TLK2: variants seen among roughly 807,000 people sequenced by gnomAD.
TLK2 encodes the protein serine/threonine-protein kinase tousled-like 2.
Under a neutral mutation model 117.3 loss-of-function variants are expected in TLK2, and 6 were observed. The ratio of observed to expected loss-of-function variants is 0.05; its 90% CI spans 0.03 to 0.10. TLK2 has a LOEUF of 0.10. Among genes scored for constraint, TLK2 ranks in the 10% least tolerant of loss-of-function variants. TLK2 has a pLI of 1.00. For synonymous variants in TLK2, 257 were observed against 316.7 expected (o/e 0.81, Z 2.00); for missense variants, 299 against 901.2 (o/e 0.33, Z 8.56).
At chr17:62,526,839 A>G (rs1485366556) in intron 6 of TLK2, among the ~76,000 whole-genome samples, 1 of 152,186 alleles carries the variant, frequency 6.6e-6, no homozygotes, top group Non-Finnish European at 1.5e-5. Context: ...TAGCTTTCAA[A>G]GTAGTCTCCT....
intron 16 of TLK2, among the ~76,000 whole-genome samples, chr17:62,595,378 C>T (rs921027461): frequency 6.9e-6 from 1 of 145,904 alleles, no homozygotes; most frequent in Non-Finnish European, 1.5e-5. Context: ...ATAATGTATT[C>T]ATTTATTATC....
chr17:62,593,156 G>A (rs1567987627), intron 16 of TLK2, among the ~76,000 whole-genome samples: 2 of 152,142 alleles, frequency 1.3e-5, no homozygotes, highest in Admixed American at 1.3e-4. Flanking sequence ...GTTACTAATT[G>A]TGTATCTAAG....
At chr17:62,560,866 G>T (rs1215036429) in intron 10 of TLK2, among the ~76,000 whole-genome samples, 1 of 151,680 alleles carries the variant, frequency 6.6e-6, no homozygotes, top group East Asian at 1.9e-4. Context: ...TAGGGTATAT[G>T]TGCACAACAT....
At chr17:62,516,353 A>T in intron 2 of TLK2, 1 of 1,520,072 alleles carries the variant, frequency 6.6e-7, no homozygotes, top group Non-Finnish European at 9.0e-7. Flanking sequence ...CCACAACCAA[A>T]TCCGCCTCTA....
At chr17:62,553,471 A>G (rs746030832) in intron 8 of TLK2, 192 bp from the exon 9 acceptor site, 4 of 567,384 alleles carry the variant, frequency 7.0e-6, no homozygotes, top group Non-Finnish European at 9.6e-6. Context: ...GTAGTGGGAC[A>G]TAAGGAACCC....
intron 2 of TLK2, among the ~76,000 whole-genome samples, chr17:62,518,405 T>C (rs1039831108): frequency 2.0e-5 from 3 of 152,130 alleles, no homozygotes; most frequent in Admixed American, 6.6e-5. Flanking sequence ...GACAACTAAA[T>C]GGAAAGGAAC....
chr17:62,482,635 G>C (rs1031103509), intron 2 of TLK2, among the ~76,000 whole-genome samples: 1 of 151,850 alleles, frequency 6.6e-6, no homozygotes, highest in African/African-American at 2.4e-5. Context: ...ATTTTTAGTA[G>C]AGACAGGGTT....
intron 16 of TLK2, among the ~76,000 whole-genome samples, chr17:62,590,580 G>T (rs2082003371): frequency 1.3e-5 from 2 of 152,218 alleles, no homozygotes; most frequent in Non-Finnish European, 2.9e-5. Flanking sequence ...CTCCGTGTAG[G>T]AGATTATTTG....
At chr17:62,579,938 C>T (rs182407121) in intron 14 of TLK2, among the ~76,000 whole-genome samples, 173 bp from the exon 15 acceptor site, 82 of 152,280 alleles carry the variant, frequency 5.4e-4, no homozygotes, top group African/African-American at 2.0e-3. Context: ...ATTACACTGC[C>T]TCTTTGAACT....
chr17:62,522,382 A>G, intron 4 of TLK2, 109 bp downstream of exon 4: 1 of 1,217,138 alleles, frequency 8.2e-7, no homozygotes, highest in Non-Finnish European at 1.1e-6. Flanking sequence ...CTGATAAAGG[A>G]GGTTTGTGTA....
At chr17:62,539,739 T>G (rs546036608) in intron 7 of TLK2, among the ~76,000 whole-genome samples, 9 of 152,098 alleles carry the variant, frequency 5.9e-5, no homozygotes, top group Non-Finnish European at 1.5e-5. Flanking sequence ...TGACCTCAAG[T>G]GATCCTCCCG....
rs565906543 is a variant in TLK2, at chr17:62,484,545, G to T, written c.81+3339G>T. ...AATCCTGACCTCAGGTGATCCACCC[G>T]CCTCAGCCTCCCGAAGTGCTGGGAT... On this transcript the variant is annotated intron_variant, in intron 2 of 21. Transcript: ENST00000346027. Among the ~76,000 whole-genome samples the T allele has an allele frequency of 3.3e-5, 5 of 151,816 alleles. No homozygotes were observed. The East Asian group carries it at 9.8e-4, about 30-fold the overall frequency.
At chr17:62,472,135 T>C (rs1269043794) in intron 1 of TLK2, among the ~76,000 whole-genome samples, 1 of 151,518 alleles carries the variant, frequency 6.6e-6, no homozygotes, top group East Asian at 2.0e-4. Context: ...CTTGATCTCC[T>C]GACCTCGTGA....
chr17:62,550,289 T>C (rs979939319), intron 7 of TLK2: 3 of 152,256 alleles, frequency 2.0e-5, no homozygotes, highest in Non-Finnish European at 2.9e-5. Flanking sequence ...CCTCAAATCA[T>C]AAACTTTTTA....
chr17:62,610,152 A>G (rs1489788769), intron 21 of TLK2, among the ~76,000 whole-genome samples: 1 of 152,232 alleles, frequency 6.6e-6, no homozygotes, highest in Non-Finnish European at 1.5e-5. Flanking sequence ...TTTCATGTTT[A>G]TTCAATAAAT....
intron 6 of TLK2, among the ~76,000 whole-genome samples, chr17:62,528,722 G>A (rs932200391): frequency 2.0e-5 from 3 of 152,092 alleles, no homozygotes; most frequent in African/African-American, 7.2e-5. Flanking sequence ...TGGCAAGCTC[G>A]GAATGATTTT....
rs573030686 is a variant in TLK2 at position 62,515,946 on chromosome 17, T to A, written c.82-4827T>A. 2.3e-3 allele frequency among the ~76,000 whole-genome samples: 355 copies of A among 152,276 alleles called. 2 individuals are homozygous for A. Among genetic ancestry groups the A allele is most frequent in the African/African-American group, 7.2e-3 (301 of 41,564 alleles). On this transcript the variant is annotated intron_variant, in intron 2 of 21. Transcript: ENST00000346027. ...CTCCCTGTTTTCTTCTTCTTTTTTT[T>A]GAGATGGAGTCTCTGTAGCCCAGGC...
At chr17:62,478,087 T>G (rs530326553), upstream of TLK2, 122 of 151,726 alleles carry the variant, frequency 8.0e-4, 1 homozygote, top group Non-Finnish European at 1.4e-3. Context: ...GCCAGGTACG[T>G]GGAGGGAGTG....
chr17:62,566,198 A>C (rs1357818160), intron 11 of TLK2, among the ~76,000 whole-genome samples: 1 of 150,298 alleles, frequency 6.7e-6, no homozygotes, highest in Non-Finnish European at 1.5e-5. Flanking sequence ...TTTTTTTTTA[A>C]TCTCTAGGTC....
Sources: allele counts gnomAD v4.1 joint callset (sites outside exome capture counted in the v4.1 genomes callset), GRCh38; gene constraint gnomAD v4.1.1; transcripts MANE v1.5; gene names NCBI Gene and HGNC (gene_info 2026-07-23, HGNC 2026-07-21).